Variants in CFAP251 observed in about 807,000 individuals in gnomAD.
CFAP251 encodes the protein cilia and flagella associated protein 251.
A neutral mutation model predicts 126.7 loss-of-function variants in CFAP251; 93 were observed. That is an observed-to-expected ratio of 0.73 (90% confidence interval 0.62 to 0.87). The LOEUF is 0.87. CFAP251 is among the 40% of genes least tolerant of loss of function. The pLI is 0.00. For missense variants in CFAP251, 1,287 were observed against 1,389.2 expected (o/e 0.93, Z 1.17); for synonymous variants, 503 against 506.9 (o/e 0.99, Z 0.10).
intron 19 of CFAP251, among the ~76,000 whole-genome samples, chr12:121,988,304 A>G (rs1882798703): frequency 1.3e-5 from 2 of 152,128 alleles, no homozygotes; most frequent in African/African-American, 4.8e-5. Context: ...TAGAATGTCC[A>G]CCGAGTAGTG....
chr12:121,992,011 C>A (rs370957366), intron 19 of CFAP251, among the ~76,000 whole-genome samples: 1 of 152,018 alleles, frequency 6.6e-6, no homozygotes, highest in African/African-American at 2.4e-5. Flanking sequence ...AAATCAGGTT[C>A]TCAGGGAATA....
chr12:121,919,737 A>G (rs2135739221), intron 1 of CFAP251, among the ~76,000 whole-genome samples: 1 of 152,256 alleles, frequency 6.6e-6, no homozygotes, highest in East Asian at 1.9e-4. Context: ...TGTTTCTAGA[A>G]TTGTTGCTAA....
At chr12:121,952,490 G>A (rs1277288820) in intron 9 of CFAP251, among the ~76,000 whole-genome samples, 1 of 151,998 alleles carries the variant, frequency 6.6e-6, no homozygotes, top group Non-Finnish European at 1.5e-5. Flanking sequence ...TTATAAAGCT[G>A]CTCAGTTTCA....
intron 5 of CFAP251, among the ~76,000 whole-genome samples, chr12:121,939,215 AC>A (rs998197096): frequency 2.6e-5 from 4 of 151,798 alleles, no homozygotes; most frequent in Non-Finnish European, 4.4e-5. Flanking sequence ...CCTGATTAAA[AC>A]CCTTTAGAGA....
intron 12 of CFAP251, 75 bp downstream of exon 12, chr12:121,958,597 A>C: frequency 1.3e-6 from 2 of 1,587,256 alleles, no homozygotes; most frequent in South Asian, 2.3e-5. Flanking sequence ...CTGGGCTGGC[A>C]TAGCTCCAGG....
intron 19 of CFAP251, among the ~76,000 whole-genome samples, chr12:121,982,752 G>A (rs1324888245): frequency 1.3e-5 from 2 of 152,054 alleles, no homozygotes; most frequent in African/African-American, 2.4e-5. Context: ...CAGTGCCCAC[G>A]TGTCGCACAA....
rs1881181545 is a variant in CFAP251 at position 121,942,914 on chromosome 12, G to C, written c.1130G>C (p.Trp377Ser). Residue 377 changes from tryptophan (W) to serine (S), a missense_variant, in exon 7 of 22, where the codon TGG (tryptophan) becomes TCG (serine). Trp to Ser is a radical substitution (Grantham distance 177, BLOSUM62 -3). Transcript: ENST00000288912. The part of the protein sequence containing the change: ...AEVQKVCIWK[W>S]TLAVETPACT... ...CTACAGAAGGTATGCATCTGGAAGTGGACTTTGGCAGTGGAAACGCCAGCA... is the reference window on the plus strand; with the variant it reads ...CTACAGAAGGTATGCATCTGGAAGTCGACTTTGGCAGTGGAAACGCCAGCA... 6.2e-7 allele frequency: 1 copy of C among 1,614,058 alleles called. No homozygotes were observed. Among genetic ancestry groups the C allele is most frequent in the South Asian group, 1.1e-5 (1 of 91,090 alleles).
At chr12:121,938,808 C>T (rs2135759372) in intron 5 of CFAP251, among the ~76,000 whole-genome samples, 1 of 150,828 alleles carries the variant, frequency 6.6e-6, no homozygotes, top group East Asian at 2.0e-4. Flanking sequence ...CATGGTGAAA[C>T]CCCGTCTCTA....
At chr12:121,949,091 ATG>A in intron 8 of CFAP251, 30 bp downstream of exon 8, 1 of 1,442,398 alleles carries the variant, frequency 6.9e-7, no homozygotes, top group Non-Finnish European at 9.6e-7. Context: ...TTTGTTTTAA[ATG>A]TGGGTAGAAG....
chr12:121,923,777 C>A lies in CFAP251; in HGVS notation c.534C>A (p.Pro178=). 1 of 1,614,132 alleles carries A rather than the reference C, an allele frequency of 6.2e-7. No homozygotes were observed. Among genetic ancestry groups the A allele is most frequent in the Non-Finnish European group, 8.5e-7 (1 of 1,180,032 alleles). ...AGATTAGTTCCCCTGAAAGGCAGCC[C>A]TCAGGAGAGCTTGAGGAGAAAACCG... ...EQQISSPERQ[P]SGELEEKTDR... is the part of the protein sequence containing the mutation. Residue 178 remains proline, a synonymous_variant, in exon 3 of 22, where the codon CCC becomes CCA. Transcript: ENST00000288912.
chr12:121,919,332 A>G (rs201624308), intron 1 of CFAP251, among the ~76,000 whole-genome samples: 2 of 152,108 alleles, frequency 1.3e-5, no homozygotes, highest in East Asian at 3.9e-4. Context: ...CTTTAGGGAT[A>G]AAGTATCCAT....
chr12:121,996,942 C>T (rs904741868), intron 19 of CFAP251: 2 of 152,190 alleles, frequency 1.3e-5, no homozygotes, highest in African/African-American at 4.8e-5. Context: ...CTTTTTGCTT[C>T]ATCCAGATGC....
At chr12:121,961,463 C>T (rs1352800309) in intron 14 of CFAP251, among the ~76,000 whole-genome samples, 1 of 152,080 alleles carries the variant, frequency 6.6e-6, no homozygotes, top group Non-Finnish European at 1.5e-5. Context: ...TGTATGGGCC[C>T]AGTTCAGTGG....
intron 14 of CFAP251, 40 bp from the exon 15 acceptor site, chr12:121,961,938 G>T: frequency 6.3e-7 from 1 of 1,585,152 alleles, no homozygotes; most frequent in Non-Finnish European, 8.6e-7. Context: ...CCTTTAATTT[G>T]GCTTGGTCCT....
At chr12:121,953,402 G>A (rs1332984907) in intron 9 of CFAP251, 2 of 152,256 alleles carry the variant, frequency 1.3e-5, no homozygotes, top group Non-Finnish European at 2.9e-5. Flanking sequence ...CACTGCACAT[G>A]CACTTCTGCA....
chr12:121,969,489 T>TTTG (rs894989526), intron 17 of CFAP251: 55 of 985,134 alleles, frequency 5.6e-5, no homozygotes, highest in Non-Finnish European at 6.1e-5. Flanking sequence ...TTCCCTTCTA[T>TTTG]TTGTTGTTGT....
chr12:121,932,067 A>G, intron 4 of CFAP251, 181 bp downstream of exon 4: 1 of 476,546 alleles, frequency 2.1e-6, no homozygotes. Context: ...CTCTGTTTCT[A>G]ATCAGAATCA....
intron 10 of CFAP251, among the ~76,000 whole-genome samples, chr12:121,954,644 A>AAAAAAAC (rs1177253716): frequency 6.7e-5 from 9 of 133,730 alleles, no homozygotes; most frequent in Non-Finnish European, 1.5e-4. Flanking sequence ...CTTAAAAAAA[A>AAAAAAAC]AAAAAAAAAA....
At chr12:121,937,041 T>G (rs1306621512) in intron 5 of CFAP251, among the ~76,000 whole-genome samples, 2 of 152,172 alleles carry the variant, frequency 1.3e-5, no homozygotes, top group Non-Finnish European at 2.9e-5. Flanking sequence ...ACTTTCCCAT[T>G]TGTGAAAAAA....
Sources: gnomAD v4.1 joint callset for allele counts (sites outside exome capture counted in the v4.1 genomes callset) on GRCh38, gnomAD v4.1.1 for gene constraint, MANE v1.5 for transcripts, NCBI Gene and HGNC (gene_info 2026-07-23, HGNC 2026-07-21) for gene names.